The following PLCB1 variants were observed in gnomAD, a reference collection of about 807,000 sequenced individuals.
PLCB1 encodes phospholipase C beta 1, also known as 1-phosphatidylinositol 4,5-bisphosphate phosphodiesterase beta-1.
A neutral mutation model predicts 161.8 loss-of-function variants in PLCB1; 46 were observed. That is an observed-to-expected ratio of 0.28 (90% CI 0.22 to 0.36). The LOEUF is 0.36. Ranked by LOEUF, PLCB1 falls within the 10% of genes least tolerant of loss-of-function variation. The pLI is 1.00. For synonymous variants in PLCB1, 517 were observed against 503.7 expected (o/e 1.03, Z -0.35); for missense variants, 1,016 against 1,472.5 (o/e 0.69, Z 5.07).
intron 3 of PLCB1, among the ~76,000 whole-genome samples, chr20:8,585,080 T>C (rs6086517): frequency 0.23 from 35,057 of 152,094 alleles, 4,308 homozygotes; most frequent in South Asian, 0.37. Context: ...ACTGCCCTCA[T>C]TGGGTGCTCT....
intron 3 of PLCB1, among the ~76,000 whole-genome samples, chr20:8,563,119 A>G (rs1335278099): frequency 6.6e-6 from 1 of 152,106 alleles, no homozygotes; most frequent in Non-Finnish European, 1.5e-5. Context: ...GTAATAAAGT[A>G]GCCAATTTGG....
chr20:8,377,974 G>A (rs1482545131), intron 3 of PLCB1, among the ~76,000 whole-genome samples: 1 of 152,104 alleles, frequency 6.6e-6, no homozygotes, highest in African/African-American at 2.4e-5. Context: ...AAAGAAAGAG[G>A]TTTGAGATCT....
intron 3 of PLCB1, among the ~76,000 whole-genome samples, chr20:8,587,119 A>C (rs1987014274): frequency 6.6e-6 from 1 of 152,058 alleles, no homozygotes; most frequent in Admixed American, 6.6e-5. Flanking sequence ...CAAAATTGTA[A>C]GGGCAAAAAT....
chr20:8,695,527 C>T (rs1568563802), intron 10 of PLCB1, among the ~76,000 whole-genome samples: 1 of 152,130 alleles, frequency 6.6e-6, no homozygotes, highest in Non-Finnish European at 1.5e-5. Flanking sequence ...CATAAGGAGA[C>T]TCTGTCTCTA....
intron 4 of PLCB1, among the ~76,000 whole-genome samples, chr20:8,643,462 C>T (rs555047772): frequency 6.6e-6 from 1 of 152,214 alleles, no homozygotes; most frequent in South Asian, 2.1e-4. Context: ...TCGGGATTCC[C>T]TCTTTTCTTC....
chr20:8,733,189 C>A lies in PLCB1; in HGVS notation c.1889-49C>A, dbSNP rs191618568. On this transcript the variant is annotated intron_variant, in intron 18 of 31. Coordinates refer to ENST00000338037, the MANE Select transcript of PLCB1 (RefSeq NM_015192.4). ...TTTACTTTACAATCTTACTTTCTTA[C>A]CCCAAGTATAGATAAACTCACAATA... The A allele has an allele frequency of 1.9e-6, 3 of 1,587,310 alleles. No individual in the cohort carries two copies. The South Asian group carries it at 3.3e-5, about 18-fold the overall frequency.
chr20:8,846,615 T>C (rs1986699816), intron 31 of PLCB1, among the ~76,000 whole-genome samples: 1 of 152,190 alleles, frequency 6.6e-6, no homozygotes, highest in Non-Finnish European at 1.5e-5. Flanking sequence ...AGGAAGATTC[T>C]AACTCAAAAG....
chr20:8,182,560 T>A (rs2051855268), intron 2 of PLCB1, among the ~76,000 whole-genome samples: 1 of 151,194 alleles, frequency 6.6e-6, no homozygotes, highest in African/African-American at 2.4e-5. Context: ...TGCCAGTTGA[T>A]CACAGTTGAT....
chr20:8,192,704 A>G (rs919770497), intron 2 of PLCB1, among the ~76,000 whole-genome samples: 3 of 151,972 alleles, frequency 2.0e-5, no homozygotes, highest in Non-Finnish European at 4.4e-5. Context: ...ATGGGGAGAT[A>G]TCTTAGAGAC....
chr20:8,532,022 A>T (rs1984834441), intron 3 of PLCB1, among the ~76,000 whole-genome samples: 1 of 152,108 alleles, frequency 6.6e-6, no homozygotes, highest in African/African-American at 2.4e-5. Flanking sequence ...TTAACCTAAT[A>T]CCCAAAGCTT....
At chr20:8,631,910 T>A (rs1488805314) in intron 4 of PLCB1, among the ~76,000 whole-genome samples, 2 of 151,882 alleles carry the variant, frequency 1.3e-5, no homozygotes, top group Non-Finnish European at 2.9e-5. Context: ...TGGGCCAAAT[T>A]TAAAAGTCAA....
intron 31 of PLCB1, among the ~76,000 whole-genome samples, chr20:8,808,095 C>G (rs559207982): frequency 6.6e-6 from 1 of 152,092 alleles, no homozygotes; most frequent in Non-Finnish European, 1.5e-5. Flanking sequence ...GCCTGAGATG[C>G]GAGTATCATG....
intron 3 of PLCB1, among the ~76,000 whole-genome samples, chr20:8,422,190 A>T (rs945099425): frequency 2.0e-5 from 3 of 152,228 alleles, no homozygotes; most frequent in African/African-American, 4.8e-5. Context: ...GCATAGCGTC[A>T]GCTGGTGAAG....
intron 23 of PLCB1, among the ~76,000 whole-genome samples, chr20:8,755,009 A>T (rs1447911631): frequency 1.3e-5 from 2 of 152,122 alleles, no homozygotes; most frequent in Non-Finnish European, 2.9e-5. Flanking sequence ...AGAAGTAGTC[A>T]TTTTTCAAAA....
chr20:8,231,902 A>G (rs1209197236), intron 2 of PLCB1, among the ~76,000 whole-genome samples: 2 of 152,166 alleles, frequency 1.3e-5, no homozygotes, highest in Non-Finnish European at 2.9e-5. Flanking sequence ...TAGCTATTTT[A>G]TATATACTGT....
chr20:8,880,856 C>CTTTTTTTTTTTTTTTTTTTTTTTTTTT (rs753470997), intron 31 of PLCB1: 2 of 107,584 alleles, frequency 1.9e-5, no homozygotes, highest in African/African-American at 4.1e-5. Context: ...TTCTTTCTTT[C>CTTTTTTTTTTTTTTTTTTTTTTTTTTT]TTTCTTTTTT....
rs138749199 is a variant in PLCB1 at position 8,620,475 on chromosome 20, C to T, written c.247-7819C>T. 1.9e-3 allele frequency among the ~76,000 whole-genome samples: 292 copies of T among 152,096 alleles called. 4 individuals carry two copies. The highest frequency in any genetic ancestry group is 6.6e-3 in the African/African-American group (272 of 41,482). On this transcript the variant is annotated intron_variant, in intron 3 of 31. Coordinates refer to ENST00000338037, the MANE Select transcript of PLCB1 (RefSeq NM_015192.4). ...GGCTGTCTGGCTGGGCACGGTGGCT[C>T]ACACTTGCAATCCTAGCATTCTGGG...
intron 2 of PLCB1, among the ~76,000 whole-genome samples, chr20:8,251,317 G>A (rs993706060): frequency 1.6e-4 from 24 of 151,956 alleles, no homozygotes; most frequent in African/African-American, 5.8e-4. Flanking sequence ...CAACAGTGAT[G>A]ATGGTTAGGC....
intron 3 of PLCB1, among the ~76,000 whole-genome samples, chr20:8,376,940 G>T (rs1197924877): frequency 6.6e-6 from 1 of 150,764 alleles, no homozygotes; most frequent in Non-Finnish European, 1.5e-5. Context: ...AAAAAAAAAA[G>T]AAAAAGAAAG....
Sources: allele counts gnomAD v4.1 joint callset (sites outside exome capture counted in the v4.1 genomes callset), GRCh38; gene constraint gnomAD v4.1.1; transcripts MANE v1.5; gene names NCBI Gene and HGNC (gene_info 2026-07-23, HGNC 2026-07-21).